The following IGF1R variants were observed in gnomAD, a reference collection of about 807,000 sequenced individuals.
IGF1R encodes the protein insulin like growth factor 1 receptor, also known as insulin-like growth factor 1 receptor.
Under a neutral mutation model 144.6 loss-of-function variants are expected in IGF1R, and 44 were observed. The observed-to-expected ratio is 0.30, with a 90% CI of 0.24 to 0.39. The LOEUF (loss-of-function observed/expected upper bound fraction) is 0.39. IGF1R is among the 10% of genes least tolerant of loss of function. The pLI, the probability that IGF1R is intolerant of heterozygous loss-of-function variation, is 1.00. For synonymous variants in IGF1R, 795 were observed against 722.8 expected (o/e 1.10, Z -1.60); for missense variants, 1,355 against 1,833.7 (o/e 0.74, Z 4.77).
At chr15:98,715,700 G>T (rs1255820586) in intron 2 of IGF1R, among the ~76,000 whole-genome samples, 1 of 152,132 alleles carries the variant, frequency 6.6e-6, no homozygotes, top group African/African-American at 2.4e-5. Flanking sequence ...GAAGTTGGAA[G>T]CATCACTTAG....
intron 2 of IGF1R, among the ~76,000 whole-genome samples, chr15:98,813,254 A>G (rs1482103954): frequency 1.3e-5 from 2 of 152,124 alleles, no homozygotes; most frequent in Non-Finnish European, 2.9e-5. Flanking sequence ...AAAATAACCA[A>G]TCCAAAGGCC....
At chr15:98,660,740 T>A (rs1567061757) in intron 1 of IGF1R, 1 of 152,232 alleles carries the variant, frequency 6.6e-6, no homozygotes, top group Non-Finnish European at 1.5e-5. Context: ...GGGTAATTTG[T>A]GAGTCTGGCC....
intron 1 of IGF1R, among the ~76,000 whole-genome samples, chr15:98,654,235 A>G (rs774385661): frequency 6.6e-6 from 1 of 152,198 alleles, no homozygotes; most frequent in Non-Finnish European, 1.5e-5. Flanking sequence ...TGTGACATAC[A>G]GGTGATGTTA....
At chr15:98,916,260 G>A in intron 9 of IGF1R, 129 bp downstream of exon 9, 1 of 725,684 alleles carries the variant, frequency 1.4e-6, no homozygotes, top group Non-Finnish European at 2.1e-6. Flanking sequence ...GCTATCTTCT[G>A]GTTTTTTTTT....
intron 19 of IGF1R, among the ~76,000 whole-genome samples, chr15:98,946,374 T>C (rs1380397076): frequency 2.0e-5 from 3 of 152,138 alleles, no homozygotes; most frequent in Non-Finnish European, 4.4e-5. Context: ...CTTTAAGCCC[T>C]GTTAAGGTTT....
At chr15:98,904,141 C>T (rs2151663744) in intron 5 of IGF1R, among the ~76,000 whole-genome samples, 1 of 151,126 alleles carries the variant, frequency 6.6e-6, no homozygotes, top group East Asian at 1.9e-4. Flanking sequence ...CAAGCTCCGC[C>T]TCCGGGTTCA....
At chr15:98,845,027 G>T (rs2011257363) in intron 2 of IGF1R, among the ~76,000 whole-genome samples, 1 of 152,000 alleles carries the variant, frequency 6.6e-6, no homozygotes, top group East Asian at 1.9e-4. Flanking sequence ...AACATACCAG[G>T]CCCACCAAGG....
intron 2 of IGF1R, among the ~76,000 whole-genome samples, chr15:98,881,384 G>A (rs1190763257): frequency 8.5e-5 from 13 of 152,182 alleles, no homozygotes; most frequent in Admixed American, 2.6e-4. Context: ...GCAGTGGCGC[G>A]ATCTCAGCTC....
At chr15:98,841,811 TC>T (rs1406403764) in intron 2 of IGF1R, among the ~76,000 whole-genome samples, 2 of 152,192 alleles carry the variant, frequency 1.3e-5, no homozygotes, top group African/African-American at 4.8e-5. Context: ...TTGCTTTTCT[TC>T]CTTGGAACAT....
intron 17 of IGF1R, 25 bp from the exon 18 acceptor site, chr15:98,939,176 G>A (rs2016271367): frequency 1.2e-6 from 2 of 1,607,986 alleles, no homozygotes; most frequent in African/African-American, 1.3e-5. Context: ...AAATTCTCAT[G>A]TGAATTTTTT....
rs904935785 is a variant in IGF1R at position 98,707,487 on chromosome 15, T to A, written c.95-75T>A. On this transcript the variant is annotated intron_variant, in intron 1 of 20. Transcript: ENST00000650285. This position sits in a 1 kb window ranked among gnomAD's most constrained non-coding sequence, Gnocchi z 6.7. ...TAATACAGGATTCCTGAAAACCAAC[T>A]GTATTATTGTTTGGAAAATAGTTTA... 2.8e-5 allele frequency: 39 copies of A among 1,391,658 alleles called. No homozygotes were observed. In the Middle Eastern group the frequency reaches 7.8e-4, roughly 28 times the overall value. The allele number at this position is 1,391,658 out of a possible 1,614,324, so 86.2% of individuals were successfully genotyped here. A position where few individuals can be genotyped will look rare whatever the true frequency, so the allele number is the denominator to read the frequency against.
At chr15:98,886,419 G>T (rs911264743) in intron 2 of IGF1R, among the ~76,000 whole-genome samples, 1 of 152,136 alleles carries the variant, frequency 6.6e-6, no homozygotes, top group East Asian at 1.9e-4. Context: ...AGTTTAGATG[G>T]GCCTTTGTTT....
chr15:98,724,686 G>C (rs2054318622), intron 2 of IGF1R, among the ~76,000 whole-genome samples: 3 of 152,182 alleles, frequency 2.0e-5, no homozygotes, highest in African/African-American at 7.2e-5. Context: ...TTGCCCTTAT[G>C]GAACGTGCTC....
Position 98,836,521 on chromosome 15 carries a change from TAAA to T in IGF1R, c.641-54787_641-54785del, listed in dbSNP as rs36070885. Among the ~76,000 whole-genome samples the T allele has an allele frequency of 2.4e-3, 306 of 129,874 alleles. 2 individuals carry two copies. The highest frequency in any genetic ancestry group is 7.8e-3 in the African/African-American group (282 of 36,140). 85.2% of individuals were successfully genotyped at this position (129,874 alleles called of 152,430 possible). Reference sequence around the variant, plus strand: ...GAGACAGATTAAGACCCTGTCTCTTTAAAAAAAAAAAAAAAAAAAGTTTGTAAA... The same window carrying T: ...GAGACAGATTAAGACCCTGTCTCTTTAAAAAAAAAAAAAAAAGTTTGTAAA... On this transcript the variant is annotated intron_variant, in intron 2 of 20. Transcript: ENST00000650285.
At chr15:98,938,620 A>T (rs2016247778) in intron 17 of IGF1R, among the ~76,000 whole-genome samples, 1 of 152,226 alleles carries the variant, frequency 6.6e-6, no homozygotes, top group Non-Finnish European at 1.5e-5. Flanking sequence ...CCGACAGAAA[A>T]TAATAATGCC....
intron 1 of IGF1R, among the ~76,000 whole-genome samples, chr15:98,694,668 T>C (rs1053800211): frequency 6.6e-6 from 1 of 152,232 alleles, no homozygotes; most frequent in African/African-American, 2.4e-5. Context: ...TGTTCTCAAC[T>C]GGAACTTGTA....
At chr15:98,756,553 TAATC>T (rs2055161646) in intron 2 of IGF1R, among the ~76,000 whole-genome samples, 1 of 152,106 alleles carries the variant, frequency 6.6e-6, no homozygotes, top group African/African-American at 2.4e-5. Flanking sequence ...TTTTCCCCCT[TAATC>T]AAGTTTGTTA....
At chr15:98,929,688 T>G in intron 14 of IGF1R, 28 bp downstream of exon 14, 1 of 1,436,100 alleles carries the variant, frequency 7.0e-7, no homozygotes, top group Non-Finnish European at 9.8e-7. Flanking sequence ...TTATGACACT[T>G]TCTGTGGCTG....
At chr15:98,706,452 G>T (rs10152359) in intron 1 of IGF1R, among the ~76,000 whole-genome samples, 1 of 152,116 alleles carries the variant, frequency 6.6e-6, no homozygotes, top group Non-Finnish European at 1.5e-5. Context: ...CTGCAAATGC[G>T]TTGGCCCAGC....
Sources: gnomAD v4.1 joint callset for allele counts (sites outside exome capture counted in the v4.1 genomes callset) on GRCh38, gnomAD v4.1.1 for gene constraint, Gnocchi (gnomAD v3.1) non-coding constraint, MANE v1.5 for transcripts, NCBI Gene and HGNC (gene_info 2026-07-23, HGNC 2026-07-21) for gene names.